Variants in YAP1 observed in about 807,000 individuals in gnomAD.
The protein encoded by YAP1 is Yes1 associated transcriptional regulator.
In YAP1, 5 loss-of-function variants were observed where a neutral mutation model predicts 56.9. The ratio of observed to expected loss-of-function variants is 0.09; its 90% CI spans 0.05 to 0.18. The LOEUF (loss-of-function observed/expected upper bound fraction) is 0.18. Among genes scored for constraint, YAP1 ranks in the 10% least tolerant of loss-of-function variants. YAP1 has a pLI of 1.00. For missense variants in YAP1, 539 were observed against 651.8 expected (o/e 0.83, Z 1.88); for synonymous variants, 265 against 248.1 (o/e 1.07, Z -0.64).
chr11:102,137,039 A>T (rs1393426745), intron 2 of YAP1, among the ~76,000 whole-genome samples: 1 of 152,228 alleles, frequency 6.6e-6, no homozygotes, highest in Non-Finnish European at 1.5e-5. Flanking sequence ...GAACCTATAG[A>T]AAAATTTGGA....
intron 4 of YAP1, 47 bp from the exon 5 acceptor site, chr11:102,205,846 C>T (rs780745778): frequency 6.9e-7 from 1 of 1,448,308 alleles, no homozygotes; most frequent in East Asian, 2.4e-5. Flanking sequence ...ATTTTATCTT[C>T]CTTCACTAGT....
intron 2 of YAP1, among the ~76,000 whole-genome samples, chr11:102,161,345 TACACACACACACACAC>T (rs34552492): frequency 1.1e-4 from 16 of 141,236 alleles, no homozygotes; most frequent in South Asian, 2.4e-4. Context: ...GTACTTTCAC[TACACACACACACACAC>T]ACACACACAC....
At chr11:102,167,692 C>T (rs1258264995) in intron 3 of YAP1, among the ~76,000 whole-genome samples, 2 of 152,130 alleles carry the variant, frequency 1.3e-5, no homozygotes, top group Non-Finnish European at 2.9e-5. Flanking sequence ...TGAGATTGTG[C>T]CACTGCACTC....
intron 2 of YAP1, among the ~76,000 whole-genome samples, chr11:102,158,085 G>A (rs1946057128): frequency 6.6e-6 from 1 of 152,136 alleles, no homozygotes; most frequent in Non-Finnish European, 1.5e-5. Flanking sequence ...AGGTAGCTGT[G>A]CACAGGTACA....
At chr11:102,203,954 ATAAGT>A (rs1219596667) in intron 4 of YAP1, among the ~76,000 whole-genome samples, 8 of 152,374 alleles carry the variant, frequency 5.3e-5, no homozygotes, top group Middle Eastern at 3.4e-3. Flanking sequence ...AAAAATAGAA[ATAAGT>A]TAATAATGCA....
At chr11:102,228,406 A>G (rs1950299028) in intron 8 of YAP1, among the ~76,000 whole-genome samples, 1 of 151,908 alleles carries the variant, frequency 6.6e-6, no homozygotes, top group Admixed American at 6.6e-5. Flanking sequence ...AGGCCGAGGT[A>G]GCCAGATCAC....
intron 2 of YAP1, among the ~76,000 whole-genome samples, chr11:102,159,369 G>A (rs1946138349): frequency 6.6e-6 from 1 of 152,168 alleles, no homozygotes; most frequent in Admixed American, 6.5e-5. Flanking sequence ...CTCTCTGCAG[G>A]TTGAAGTAAC....
In YAP1 at chr11:102,206,114, GGTTT is replaced by G. The variant is rs777988263; in HGVS notation, c.984+45_984+48del. 22 of 1,574,704 alleles carry G rather than the reference GGTTT, an allele frequency of 1.4e-5. No homozygotes were observed. The African/African-American group carries it at 2.5e-4, about 18-fold the overall frequency. ...TAGAAACCAGCCTTCCACTTTTGGG[GGTTT>G]GTTTTCTTAAAGTTGGGCAGATTTC... On this transcript the variant is annotated intron_variant, in intron 5 of 8. Coordinates refer to ENST00000282441, the MANE Select transcript of YAP1 (RefSeq NM_001130145.3).
At chr11:102,131,666 A>T (rs1301457608) in intron 2 of YAP1, among the ~76,000 whole-genome samples, 1 of 152,214 alleles carries the variant, frequency 6.6e-6, no homozygotes, top group African/African-American at 2.4e-5. Flanking sequence ...TTCACTCTTG[A>T]AAGTATCCCA....
At chr11:102,216,299 A>G (rs1307979507) in intron 6 of YAP1, among the ~76,000 whole-genome samples, 1 of 152,240 alleles carries the variant, frequency 6.6e-6, no homozygotes, top group Admixed American at 6.5e-5. Flanking sequence ...GATGTAAAAT[A>G]GTGAAAATTT....
intron 4 of YAP1, among the ~76,000 whole-genome samples, chr11:102,197,453 A>G (rs1048361537): frequency 6.6e-6 from 1 of 152,216 alleles, no homozygotes; most frequent in Non-Finnish European, 1.5e-5. Flanking sequence ...AAATTTTTAG[A>G]CAATCTAAAA....
intron 7 of YAP1, chr11:102,226,849 G>C (rs1398500479): frequency 1.3e-5 from 2 of 152,184 alleles, no homozygotes; most frequent in East Asian, 3.9e-4. Context: ...CAGAAGCAAG[G>C]AGATCAAGCC....
chr11:102,150,166 T>A (rs914714501), intron 2 of YAP1, among the ~76,000 whole-genome samples: 5 of 151,888 alleles, frequency 3.3e-5, no homozygotes, highest in African/African-American at 9.7e-5. Flanking sequence ...GTATTTTTAC[T>A]AGAGACGAGG....
Position 102,111,006 on chromosome 11 carries a change from A to C in YAP1, c.158A>C (p.Gln53Pro), listed in dbSNP as rs1211381756. Reference protein sequence around the residue: ...AAPQAPPAGHQIVHVRGDSET... With the variant: ...AAPQAPPAGHPIVHVRGDSET... The stretch of plus-strand genomic sequence containing the variant: ...CCGCAGGCACCCCCCGCCGGGCATC[A>C]GATCGTGCACGTCCGCGGGGACTCG... Residue 53 changes from glutamine to proline, a missense_variant, in exon 1 of 9, where the codon CAG becomes CCG. Gln to Pro is a moderately conservative substitution (Grantham distance 76). Around this residue, in one of 4 missense-constraint regions of YAP1, gnomAD observed 106 missense variants for 86.6 expected, o/e 1.22. Coordinates refer to ENST00000282441, the MANE Select transcript of YAP1 (RefSeq NM_001130145.3). The C allele has an allele frequency of 1.3e-6, 2 of 1,581,936 alleles. No homozygotes were observed. Among genetic ancestry groups the C allele is most frequent in the Admixed American group, 1.8e-5 (1 of 56,762 alleles).
intron 2 of YAP1, among the ~76,000 whole-genome samples, chr11:102,161,842 G>A (rs2135399029): frequency 6.6e-6 from 1 of 152,232 alleles, no homozygotes; most frequent in East Asian, 1.9e-4. Context: ...ATGTATACAT[G>A]TATTTCTCAG....
intron 2 of YAP1, among the ~76,000 whole-genome samples, chr11:102,161,309 G>A (rs972828642): frequency 3.4e-5 from 5 of 148,378 alleles, no homozygotes; most frequent in South Asian, 2.1e-4. Flanking sequence ...TGATCTGCCC[G>A]CCTCGGCCTC....
At chr11:102,195,949 T>C (rs1458796643) in intron 4 of YAP1, among the ~76,000 whole-genome samples, 2 of 152,186 alleles carry the variant, frequency 1.3e-5, no homozygotes, top group African/African-American at 4.8e-5. Flanking sequence ...TGTCCCCACA[T>C]ATTGATCATT....
chr11:102,208,795 A>G (rs1039839867), intron 5 of YAP1, among the ~76,000 whole-genome samples: 1 of 152,212 alleles, frequency 6.6e-6, no homozygotes, highest in African/African-American at 2.4e-5. Flanking sequence ...TTTAATTACT[A>G]ATGTCAAAAC....
In YAP1 at chr11:102,205,929, A is replaced by G. The variant is rs765782009; in HGVS notation, c.839A>G (p.Lys280Arg). The G allele has an allele frequency of 2.5e-6, 4 of 1,604,836 alleles. No homozygotes were observed. The highest frequency in any genetic ancestry group is 1.1e-5 in the South Asian group (1 of 89,832). The change falls in exon 5 of 9, where the codon AAA (lysine) becomes AGA (arginine). Residue 280 changes from lysine to arginine, a missense_variant. Lys to Arg is a conservative substitution (Grantham distance 26). Around this residue, in one of 4 missense-constraint regions of YAP1, gnomAD observed 414 missense variants for 512.4 expected, o/e 0.81. Transcript: ENST00000282441. The part of the protein sequence containing the change: ...NQRISQSAPV[K>R]QPPPLAPQSP... ...AGAATCAGTCAGAGTGCTCCAGTGAAACAGCCACCACCCCTGGCTCCCCAG... is the reference window on the plus strand; with the variant it reads ...AGAATCAGTCAGAGTGCTCCAGTGAGACAGCCACCACCCCTGGCTCCCCAG...
Sources: allele counts gnomAD v4.1 joint callset (sites outside exome capture counted in the v4.1 genomes callset), GRCh38; gene constraint gnomAD v4.1.1; regional missense constraint gnomAD v4.1.1; transcripts MANE v1.5; gene names NCBI Gene and HGNC (gene_info 2026-07-23, HGNC 2026-07-21).